Variants in DIP2B observed in about 807,000 individuals in gnomAD.
DIP2B encodes the protein DIP2 acetate--CoA ligase B (putative).
Under a neutral mutation model 198.0 loss-of-function variants are expected in DIP2B, and 76 were observed. The ratio of observed to expected loss-of-function variants is 0.38; its 90% confidence interval spans 0.32 to 0.46. DIP2B has a LOEUF of 0.46. Ranked by LOEUF, DIP2B falls within the 20% of genes least tolerant of loss-of-function variation. DIP2B has a pLI of 0.99. For synonymous variants in DIP2B, 701 were observed against 739.1 expected, an observed-to-expected ratio of 0.95 and a Z score of 0.84; for missense variants, 1,559 against 1,978.4, an observed-to-expected ratio of 0.79 and a Z score of 4.02.
intron 9 of DIP2B, among the ~76,000 whole-genome samples, chr12:50,682,407 C>T (rs900067964): frequency 2.0e-5 from 3 of 152,040 alleles, no homozygotes; most frequent in Non-Finnish European, 4.4e-5. Flanking sequence ...AGGCAGATCA[C>T]GAGGTCAGGA....
intron 34 of DIP2B, among the ~76,000 whole-genome samples, chr12:50,735,846 A>G (rs1389524705): frequency 6.6e-6 from 1 of 152,242 alleles, no homozygotes; most frequent in East Asian, 1.9e-4. Flanking sequence ...GAAGACACAC[A>G]TGCATTTAAA....
intron 4 of DIP2B, 54 bp from the exon 5 acceptor site, chr12:50,671,130 GAA>G: frequency 1.3e-6 from 2 of 1,558,806 alleles, no homozygotes; most frequent in South Asian, 2.3e-5. Context: ...AGCAAGAACT[GAA>G]AAGTCTCTGT....
intron 1 of DIP2B, among the ~76,000 whole-genome samples, chr12:50,541,496 G>A (rs1336363855): frequency 6.7e-6 from 1 of 150,072 alleles, no homozygotes; most frequent in Non-Finnish European, 1.5e-5. Flanking sequence ...GATAGAAAAT[G>A]TTTAATCCTG....
intron 1 of DIP2B, among the ~76,000 whole-genome samples, chr12:50,542,642 T>C (rs1958337195): frequency 6.6e-6 from 1 of 152,198 alleles, no homozygotes; most frequent in African/African-American, 2.4e-5. Context: ...GTTTGATATA[T>C]CTCACTTGTT....
At chr12:50,728,402 A>G in intron 29 of DIP2B, 146 bp from the exon 30 acceptor site, 1 of 888,526 alleles carries the variant, frequency 1.1e-6, no homozygotes, top group Non-Finnish European at 1.6e-6. Context: ...CCCTTAATGG[A>G]GTCTTAGATT....
At chr12:50,729,037 A>G (rs1939988608) in intron 30 of DIP2B, among the ~76,000 whole-genome samples, 1 of 152,124 alleles carries the variant, frequency 6.6e-6, no homozygotes, top group South Asian at 2.1e-4. Flanking sequence ...GGCAGGAAGG[A>G]GCACAATGGG....
intron 1 of DIP2B, among the ~76,000 whole-genome samples, chr12:50,622,514 A>G (rs1381244039): frequency 1.3e-5 from 2 of 152,242 alleles, no homozygotes; most frequent in Non-Finnish European, 2.9e-5. Flanking sequence ...ATAATCTTGC[A>G]AGCCATAACT....
chr12:50,552,846 T>G (rs1488182503), intron 1 of DIP2B, among the ~76,000 whole-genome samples: 1 of 152,136 alleles, frequency 6.6e-6, no homozygotes, highest in Non-Finnish European at 1.5e-5. Context: ...CTTTAATCTA[T>G]TTTGAGTTAT....
chr12:50,731,230 T>G, intron 30 of DIP2B, 139 bp from the exon 31 acceptor site: 2 of 1,049,156 alleles, frequency 1.9e-6, no homozygotes, highest in Non-Finnish European at 2.7e-6. Context: ...GGAACAAGAC[T>G]GATTCTTAGA....
chr12:50,600,306 T>C (rs1029273877), intron 1 of DIP2B, among the ~76,000 whole-genome samples: 5 of 152,234 alleles, frequency 3.3e-5, no homozygotes, highest in African/African-American at 1.2e-4. Flanking sequence ...AAATATTTTC[T>C]GTGAATTCAC....
At chr12:50,605,369 G>A (rs1342337915) in intron 1 of DIP2B, among the ~76,000 whole-genome samples, 1 of 152,054 alleles carries the variant, frequency 6.6e-6, no homozygotes, top group Non-Finnish European at 1.5e-5. Flanking sequence ...ATCATTGTAG[G>A]CCAGAAGTTT....
chr12:50,626,156 C>T (rs1045595403), intron 2 of DIP2B, 109 bp downstream of exon 2: 1 of 1,114,496 alleles, frequency 9.0e-7, no homozygotes, highest in African/African-American at 1.6e-5. Flanking sequence ...CCCTTCCTCA[C>T]CAGGGGAGAG....
At chr12:50,731,156 G>A (rs1940034754) in intron 30 of DIP2B, among the ~76,000 whole-genome samples, 1 of 152,186 alleles carries the variant, frequency 6.6e-6, no homozygotes, top group Non-Finnish European at 1.5e-5. Flanking sequence ...AGAATGTTAT[G>A]TAGACTTAAG....
intron 1 of DIP2B, among the ~76,000 whole-genome samples, chr12:50,538,551 C>G (rs1958290578): frequency 6.6e-6 from 1 of 152,118 alleles, no homozygotes; most frequent in Admixed American, 6.6e-5. Flanking sequence ...ATGTTGCAGT[C>G]AACAGTGTCT....
At position 50,505,007 on chromosome 12, in the gene DIP2B, CGGCGGCGGCGGCGGCGGT is replaced by C; in HGVS notation, c.-132_-115del. The C allele has an allele frequency of 1.2e-6, 1 of 849,260 alleles. No homozygotes were observed. The highest frequency in any genetic ancestry group is 1.8e-6 in the Non-Finnish European group (1 of 558,338). 52.6% of individuals were successfully genotyped at this position (849,260 alleles called of 1,614,324 possible). On this transcript the variant is annotated 5_prime_UTR_variant, in exon 1 of 38. Coordinates refer to ENST00000301180, the MANE Select transcript of DIP2B (RefSeq NM_173602.3). ...CTCACGTGACCTTTGCTCATGGCGG[CGGCGGCGGCGGCGGCGGT>C]GCTGGTGGTGCTCGGCGGCCGGAGC...
At chr12:50,548,235 CT>C (rs1313244963) in intron 1 of DIP2B, among the ~76,000 whole-genome samples, 2 of 151,890 alleles carry the variant, frequency 1.3e-5, no homozygotes, top group African/African-American at 4.8e-5. Flanking sequence ...ATGAGTGATA[CT>C]TTTTTTGTGT....
chr12:50,509,337 A>G (rs760052453), intron 1 of DIP2B, among the ~76,000 whole-genome samples: 1 of 152,234 alleles, frequency 6.6e-6, no homozygotes, highest in Admixed American at 6.5e-5. Context: ...TGTGCAGTTC[A>G]GCCATAAGTG....
chr12:50,510,307 G>A (rs550410526), intron 1 of DIP2B, among the ~76,000 whole-genome samples: 2 of 152,326 alleles, frequency 1.3e-5, no homozygotes, highest in East Asian at 1.9e-4. Flanking sequence ...TAGCTTTTAT[G>A]GATACCCTTG....
At chr12:50,590,737 G>A (rs1223937158) in intron 1 of DIP2B, among the ~76,000 whole-genome samples, 1 of 152,182 alleles carries the variant, frequency 6.6e-6, no homozygotes, top group African/African-American at 2.4e-5. Context: ...TCCAGTGAAA[G>A]CATGTTTAAA....
Sources: allele counts gnomAD v4.1 joint callset (sites outside exome capture counted in the v4.1 genomes callset), GRCh38; gene constraint gnomAD v4.1.1; transcripts MANE v1.5; gene names NCBI Gene and HGNC (gene_info 2026-07-23, HGNC 2026-07-21).